The following PDE4B variants were observed in gnomAD, a reference collection of about 807,000 sequenced individuals.
PDE4B encodes the protein 3',5'-cyclic-AMP phosphodiesterase 4B.
Under a neutral mutation model 82.2 loss-of-function variants are expected in PDE4B, and 20 were observed. The observed-to-expected ratio is 0.24, with a 90% CI of 0.17 to 0.35. The LOEUF (loss-of-function observed/expected upper bound fraction) is 0.35, where lower values mean the gene tolerates loss of function less well. PDE4B is among the 10% of genes least tolerant of loss of function. The pLI is 1.00. For missense variants in PDE4B, 655 were observed against 907.2 expected, an observed-to-expected ratio of 0.72 and a Z score of 3.57; for synonymous variants, 320 against 318.9, an observed-to-expected ratio of 1.00 and a Z score of -0.04.
chr1:66,147,550 A>G (rs998479818), intron 3 of PDE4B, among the ~76,000 whole-genome samples: 4 of 152,230 alleles, frequency 2.6e-5, no homozygotes, highest in African/African-American at 9.6e-5. Context: ...CAGTCCATGC[A>G]TTTTGAGTTG....
At chr1:66,018,108 G>A (rs1472521210) in intron 3 of PDE4B, among the ~76,000 whole-genome samples, 1 of 152,072 alleles carries the variant, frequency 6.6e-6, no homozygotes, top group African/African-American at 2.4e-5. Context: ...GAAGACAGAC[G>A]TTTCCATCTA....
intron 3 of PDE4B, among the ~76,000 whole-genome samples, chr1:66,154,301 C>T (rs1646459663): frequency 6.6e-6 from 1 of 152,212 alleles, no homozygotes; most frequent in Non-Finnish European, 1.5e-5. Flanking sequence ...GTGCCAAACA[C>T]ACCGTGGAAT....
At chr1:65,796,246 G>A (rs1205590100) in intron 1 of PDE4B, among the ~76,000 whole-genome samples, 4 of 152,158 alleles carry the variant, frequency 2.6e-5, no homozygotes, top group Non-Finnish European at 1.5e-5. Context: ...TTTTTAAAAT[G>A]TAGGTTTGTC....
chr1:65,792,542 G>T (rs556047842), upstream of PDE4B: 7 of 152,310 alleles, frequency 4.6e-5, no homozygotes, highest in African/African-American at 1.4e-4. Context: ...TGGTAAGGGA[G>T]ATGCAGTGAG....
At chr1:65,803,284 A>T (rs1455439665) in intron 1 of PDE4B, among the ~76,000 whole-genome samples, 2 of 152,186 alleles carry the variant, frequency 1.3e-5, no homozygotes, top group African/African-American at 2.4e-5. Flanking sequence ...TTCTCACCAC[A>T]CATCAAAAGG....
intron 3 of PDE4B, among the ~76,000 whole-genome samples, chr1:66,102,991 A>G (rs1180804172): frequency 1.3e-5 from 2 of 152,104 alleles, no homozygotes; most frequent in Non-Finnish European, 2.9e-5. Context: ...GAAGGATCCT[A>G]TGGTTCTTTA....
chr1:65,866,459 CA>C (rs1646511422), intron 1 of PDE4B, among the ~76,000 whole-genome samples: 1 of 152,076 alleles, frequency 6.6e-6, no homozygotes, highest in Non-Finnish European at 1.5e-5. Flanking sequence ...TCAGCAACAA[CA>C]ACAATTTTAC....
intron 3 of PDE4B, among the ~76,000 whole-genome samples, chr1:66,033,492 A>G (rs1185881668): frequency 1.3e-5 from 2 of 152,180 alleles, no homozygotes; most frequent in Non-Finnish European, 2.9e-5. Flanking sequence ...ATTCACTACT[A>G]ACTCCCAGGA....
At chr1:65,918,912 A>C in intron 3 of PDE4B, 77 bp downstream of exon 3, 1 of 900,450 alleles carries the variant, frequency 1.1e-6, no homozygotes, top group South Asian at 1.4e-5. Context: ...CATAGTATTA[A>C]AATGTGAGTT....
intron 1 of PDE4B, among the ~76,000 whole-genome samples, chr1:65,836,953 G>A (rs1348744969): frequency 6.6e-6 from 1 of 152,070 alleles, no homozygotes; most frequent in African/African-American, 2.4e-5. Context: ...TCTAAAAGAG[G>A]ATTCCAGAAC....
At chr1:66,358,245 A>G (rs1662424357) in intron 9 of PDE4B, among the ~76,000 whole-genome samples, 1 of 152,216 alleles carries the variant, frequency 6.6e-6, no homozygotes, top group South Asian at 2.1e-4. Flanking sequence ...TACCCTGTCA[A>G]TCCTTTAACG....
chr1:66,090,617 A>AGTGTGTG (rs1342550461), intron 3 of PDE4B, among the ~76,000 whole-genome samples: 3,559 of 18,248 alleles, frequency 0.2, 279 homozygotes, highest in East Asian at 0.43. Context: ...TATGTATATA[A>AGTGTGTG]TATATGTGTG....
At chr1:66,010,083 C>T (rs182922709) in intron 3 of PDE4B, among the ~76,000 whole-genome samples, 164 of 152,070 alleles carry the variant, frequency 1.1e-3, no homozygotes, top group Non-Finnish European at 2.0e-3. Flanking sequence ...CACATGGTAG[C>T]ACATGGTAGG....
At chr1:65,804,972 T>TG (rs1217337584) in intron 1 of PDE4B, among the ~76,000 whole-genome samples, 2 of 60,806 alleles carry the variant, frequency 3.3e-5, no homozygotes, top group East Asian at 5.9e-4. Context: ...GGGGGGTGGG[T>TG]GGGGGGTGGG....
chr1:65,935,757 T>C (rs11585651), intron 3 of PDE4B, among the ~76,000 whole-genome samples: 53,733 of 151,744 alleles, frequency 0.35, 9,693 homozygotes, highest in East Asian at 0.49. Flanking sequence ...GCCCGACCAA[T>C]ATGGAGAAAC....
intron 3 of PDE4B, among the ~76,000 whole-genome samples, chr1:66,056,184 T>C (rs889421064): frequency 6.6e-6 from 1 of 152,162 alleles, no homozygotes; most frequent in African/African-American, 2.4e-5. Context: ...CTGGGAAAAA[T>C]AGATGAAATG....
chr1:66,173,139 A>G (rs1326141637), intron 3 of PDE4B, among the ~76,000 whole-genome samples: 3 of 152,246 alleles, frequency 2.0e-5, no homozygotes, highest in Non-Finnish European at 1.5e-5. Context: ...TAAGTAGGCC[A>G]TAAGTAAACG....
At chr1:66,021,529 A>G (rs1429545485) in intron 3 of PDE4B, among the ~76,000 whole-genome samples, 3 of 152,304 alleles carry the variant, frequency 2.0e-5, no homozygotes, top group East Asian at 3.9e-4. Flanking sequence ...TCAGCTTTCT[A>G]TATATCGCTA....
intron 1 of PDE4B, among the ~76,000 whole-genome samples, chr1:65,901,064 C>T (rs1646967000): frequency 6.6e-6 from 1 of 151,980 alleles, no homozygotes; most frequent in Admixed American, 6.6e-5. Flanking sequence ...AGCTTTTGCC[C>T]ATTCAGTATG....
Sources: gnomAD v4.1 joint callset for allele counts (sites outside exome capture counted in the v4.1 genomes callset) on GRCh38, gnomAD v4.1.1 for gene constraint, MANE v1.5 for transcripts, NCBI Gene and HGNC (gene_info 2026-07-23, HGNC 2026-07-21) for gene names.